The following LNP1 variants were observed in gnomAD, a reference collection of about 807,000 sequenced individuals.
LNP1 encodes the protein leukemia NUP98 fusion partner 1.
A neutral mutation model predicts 14.5 loss-of-function variants in LNP1; 12 were observed. The observed-to-expected ratio is 0.83, with a 90% confidence interval of 0.53 to 1.34. The LOEUF (loss-of-function observed/expected upper bound fraction) is 1.34. Ranked by LOEUF, LNP1 falls within the 40% of genes most tolerant of loss-of-function variation. The pLI is 0.00. For missense variants in LNP1, 198 were observed against 210.9 expected (o/e 0.94, Z 0.38); for synonymous variants, 75 against 71.4 (o/e 1.05, Z -0.26).
intron 1 of LNP1, among the ~76,000 whole-genome samples, chr3:100,411,465 G>A (rs1352174072): frequency 1.3e-5 from 2 of 152,192 alleles, no homozygotes; most frequent in African/African-American, 4.8e-5. Flanking sequence ...TGTAAGAAGG[G>A]CATGAATTTT....
At chr3:100,407,825 C>A (rs1576224320) in intron 1 of LNP1, among the ~76,000 whole-genome samples, 1 of 152,224 alleles carries the variant, frequency 6.6e-6, no homozygotes, top group South Asian at 2.1e-4. Flanking sequence ...TTTCATATAA[C>A]CTGTCTTCAA....
At chr3:100,404,754 A>G (rs970403170) in intron 1 of LNP1, among the ~76,000 whole-genome samples, 1 of 146,250 alleles carries the variant, frequency 6.8e-6, no homozygotes, top group African/African-American at 2.5e-5. Context: ...AATATAACTC[A>G]TCATTTTCCC....
At chr3:100,438,992 AGGAGGAGC>A (rs1279389967) in intron 2 of LNP1, among the ~76,000 whole-genome samples, 14 of 152,228 alleles carry the variant, frequency 9.2e-5, no homozygotes, top group African/African-American at 3.4e-4. Flanking sequence ...ATTTTTTAAG[AGGAGGAGC>A]TTCTCCCTGT....
At chr3:100,427,613 C>T (rs1310904566) in intron 1 of LNP1, among the ~76,000 whole-genome samples, 1 of 152,174 alleles carries the variant, frequency 6.6e-6, no homozygotes, top group East Asian at 1.9e-4. Flanking sequence ...AATCCCACTT[C>T]TGATAGTAGC....
chr3:100,436,319 T>C (rs1454825058), intron 2 of LNP1, among the ~76,000 whole-genome samples: 2 of 152,026 alleles, frequency 1.3e-5, no homozygotes, highest in African/African-American at 4.8e-5. Flanking sequence ...AGACAGGGAG[T>C]ACAACGAGGT....
In LNP1 at chr3:100,408,934, C is replaced by T. The variant is rs1049778452; in HGVS notation, c.-34+6495C>T. 5.3e-5 allele frequency among the ~76,000 whole-genome samples: 8 copies of T among 152,076 alleles called. No individual in the cohort carries two copies. The South Asian group carries it at 6.2e-4, about 12-fold the overall frequency. On this transcript the variant is annotated intron_variant, in intron 1 of 3. Transcript: ENST00000383693. ...TCTCTCACCTGGTTTCCTTAGCTCT[C>T]GTGAAGGTATTTTATACATAGATAG...
intron 1 of LNP1, among the ~76,000 whole-genome samples, chr3:100,415,667 A>G (rs1458582240): frequency 1.3e-5 from 2 of 152,208 alleles, no homozygotes; most frequent in East Asian, 3.8e-4. Context: ...CTGCACACAC[A>G]AGAAAACCTG....
chr3:100,425,580 A>G (rs566768964), intron 1 of LNP1, among the ~76,000 whole-genome samples: 1 of 152,084 alleles, frequency 6.6e-6, no homozygotes, highest in Non-Finnish European at 1.5e-5. Context: ...CTTCTTTGCT[A>G]TTATGCAATA....
chr3:100,447,490 C>G (rs374866859), intron 2 of LNP1, among the ~76,000 whole-genome samples: 1 of 151,918 alleles, frequency 6.6e-6, no homozygotes, highest in African/African-American at 2.4e-5. Flanking sequence ...AGGAGAAATA[C>G]CTAATGTAAA....
At chr3:100,444,089 T>G (rs2148906735) in intron 2 of LNP1, among the ~76,000 whole-genome samples, 1 of 152,332 alleles carries the variant, frequency 6.6e-6, no homozygotes, top group African/African-American at 2.4e-5. Context: ...TCATAAACAT[T>G]TCAGCTCTCC....
chr3:100,412,840 C>G (rs1288782867), intron 1 of LNP1, among the ~76,000 whole-genome samples: 1 of 152,160 alleles, frequency 6.6e-6, no homozygotes, highest in Non-Finnish European at 1.5e-5. Flanking sequence ...TTCTAGTCAT[C>G]TTTGTACTCC....
At chr3:100,403,435 T>C (rs556446964) in intron 1 of LNP1, among the ~76,000 whole-genome samples, 1 of 152,158 alleles carries the variant, frequency 6.6e-6, no homozygotes, top group Non-Finnish European at 1.5e-5. Context: ...TTAAATGAGA[T>C]AGTCTAATGG....
intron 3 of LNP1, among the ~76,000 whole-genome samples, chr3:100,453,924 G>A (rs1707484586): frequency 6.6e-6 from 1 of 152,076 alleles, no homozygotes; most frequent in African/African-American, 2.4e-5. Flanking sequence ...AGTGAAATTT[G>A]AAATCATGTG....
intron 2 of LNP1, among the ~76,000 whole-genome samples, chr3:100,444,588 T>C (rs1707371513): frequency 6.6e-6 from 1 of 152,180 alleles, no homozygotes; most frequent in Non-Finnish European, 1.5e-5. Flanking sequence ...TTTGGAAAAT[T>C]TGTCAAATAT....
chr3:100,404,217 G>T (rs1011506925), intron 1 of LNP1, among the ~76,000 whole-genome samples: 1 of 152,122 alleles, frequency 6.6e-6, no homozygotes, highest in Non-Finnish European at 1.5e-5. Flanking sequence ...GGGGAGGTTG[G>T]CTGTCACCCA....
chr3:100,430,997 C>T (rs1246912005), intron 2 of LNP1, among the ~76,000 whole-genome samples: 1 of 152,190 alleles, frequency 6.6e-6, no homozygotes. Flanking sequence ...CTACCTCTAA[C>T]CTTCCATGTT....
At chr3:100,428,144 T>C (rs1013820124) in intron 1 of LNP1, among the ~76,000 whole-genome samples, 2 of 152,214 alleles carry the variant, frequency 1.3e-5, no homozygotes, top group Admixed American at 1.3e-4. Flanking sequence ...TTAGTATTAA[T>C]TTCACTTTGG....
Position 100,451,862 on chromosome 3 carries a change from A to C in LNP1, c.300A>C (p.Ser100=). The C allele has an allele frequency of 8.0e-7, 1 of 1,253,818 alleles. No homozygotes were observed. The highest frequency in any genetic ancestry group is 1.0e-6 in the Non-Finnish European group (1 of 984,802). The allele number at this position is 1,253,818 out of a possible 1,614,324, so 77.7% of individuals were successfully genotyped here. The change falls in exon 3 of 4, where the codon TCA becomes TCC. Residue 100 remains serine (S), a synonymous_variant. Coordinates refer to ENST00000383693, the MANE Select transcript of LNP1 (RefSeq NM_001085451.2). ...GGTCATTCAAGGAGCCACTGGAATC[A>C]AAAGGAAGATCCCATTCCAAAATTG... The part of the protein sequence containing the change: ...EDGSFKEPLE[S]KGRSHSKIEK...
chr3:100,413,100 A>T (rs538455088), intron 1 of LNP1, among the ~76,000 whole-genome samples: 2 of 152,214 alleles, frequency 1.3e-5, no homozygotes, highest in Non-Finnish European at 2.9e-5. Context: ...GTCTACTTCC[A>T]TCACAACCAC....
Sources: allele counts gnomAD v4.1 joint callset (sites outside exome capture counted in the v4.1 genomes callset), GRCh38; gene constraint gnomAD v4.1.1; transcripts MANE v1.5; gene names NCBI Gene and HGNC (gene_info 2026-07-23, HGNC 2026-07-21).